Variants in RBP2 observed in about 807,000 individuals in gnomAD.
The protein encoded by RBP2 is retinol binding protein 2.
Under a neutral mutation model 17.0 loss-of-function variants are expected in RBP2, and 17 were observed. The observed-to-expected ratio is 1.00, with a 90% confidence interval of 0.68 to 1.50. RBP2 has a LOEUF of 1.50. Ranked by LOEUF, RBP2 falls within the 40% of genes most tolerant of loss-of-function variation. The pLI is 0.00. For synonymous variants in RBP2, 48 were observed against 57.1 expected, an observed-to-expected ratio of 0.84 and a Z score of 0.72; for missense variants, 158 against 168.2, an observed-to-expected ratio of 0.94 and a Z score of 0.33.
rs773134213 is a variant in RBP2 at position 139,476,383 on chromosome 3, T to C, written c.73+4A>G. 1.2e-6 allele frequency: 2 copies of C among 1,613,330 alleles called. No homozygotes were observed. Among genetic ancestry groups the C allele is most frequent in the Non-Finnish European group, 1.7e-6 (2 of 1,179,486 alleles). On this transcript the variant is annotated splice_donor_region_variant and intron_variant, in intron 1 of 3. Coordinates refer to ENST00000232217, the MANE Select transcript of RBP2 (RefSeq NM_004164.3). ...ACCCTCCCCATCCCCAGTCTCCTCCTTACCCAGGGCCTTCATGTAGCCCTC... is the reference window on the plus strand; with the variant it reads ...ACCCTCCCCATCCCCAGTCTCCTCCCTACCCAGGGCCTTCATGTAGCCCTC...
intron 1 of RBP2, chr3:139,466,803 A>G (rs942944203): frequency 5.9e-5 from 9 of 152,148 alleles, no homozygotes; most frequent in African/African-American, 2.2e-4. Flanking sequence ...TCACAGGCCA[A>G]TTTCCTTAGT....
chr3:139,472,339 T>C (rs1933595807), intron 1 of RBP2, among the ~76,000 whole-genome samples: 1 of 152,234 alleles, frequency 6.6e-6, no homozygotes, highest in Non-Finnish European at 1.5e-5. Context: ...CTACATGCTG[T>C]TCTTACAATG....
At chr3:139,469,725 CT>C (rs373456533) in intron 1 of RBP2, among the ~76,000 whole-genome samples, 275 of 150,704 alleles carry the variant, frequency 1.8e-3, no homozygotes, top group African/African-American at 6.7e-3. Context: ...ATCTATCTAT[CT>C]ATCTATCTAC....
chr3:139,460,655 A>G (rs775689800), intron 2 of RBP2, among the ~76,000 whole-genome samples: 1 of 152,148 alleles, frequency 6.6e-6, no homozygotes, highest in African/African-American at 2.4e-5. Context: ...GTCTCTGGGT[A>G]GTGGCCTGAC....
chr3:139,458,487 T>C (rs1481053998), intron 2 of RBP2, among the ~76,000 whole-genome samples: 1 of 152,218 alleles, frequency 6.6e-6, no homozygotes, highest in African/African-American at 2.4e-5. Context: ...TCACAAAATA[T>C]AAAATTCACC....
In RBP2 at chr3:139,473,597, C is replaced by G. The variant is rs556390700; in HGVS notation, c.73+2790G>C. 7.2e-5 allele frequency among the ~76,000 whole-genome samples: 11 copies of G among 152,336 alleles called. No individual in the cohort carries two copies. The South Asian group carries it at 1.7e-3, about 23-fold the overall frequency. ...TCTCTGCTCAAAAGGGTAAGGAAGG[C>G]AAGCTTCGTTGACATCTCAGTGTTG... On this transcript the variant is annotated intron_variant, in intron 1 of 3. Coordinates refer to ENST00000232217, the MANE Select transcript of RBP2 (RefSeq NM_004164.3).
chr3:139,475,571 A>T (rs1476903797), intron 1 of RBP2, among the ~76,000 whole-genome samples: 1 of 152,150 alleles, frequency 6.6e-6, no homozygotes, highest in Non-Finnish European at 1.5e-5. Context: ...GTTCCAGCGA[A>T]GTTACCCCAT....
intron 2 of RBP2, among the ~76,000 whole-genome samples, chr3:139,456,385 A>G (rs60961550): frequency 0.26 from 39,166 of 152,112 alleles, 8,223 homozygotes; most frequent in African/African-American, 0.58. Flanking sequence ...TACTTTATGT[A>G]CAATTTTATT....
At chr3:139,465,677 G>A (rs1287594728) in intron 1 of RBP2, among the ~76,000 whole-genome samples, 1 of 152,212 alleles carries the variant, frequency 6.6e-6, no homozygotes, top group Non-Finnish European at 1.5e-5. Context: ...CACAGGGACT[G>A]TGGGATTCAG....
intron 1 of RBP2, among the ~76,000 whole-genome samples, chr3:139,465,697 C>A (rs534400555): frequency 6.6e-6 from 1 of 152,270 alleles, no homozygotes; most frequent in South Asian, 2.1e-4. Context: ...GTTGGATGAG[C>A]CCTCCCTGTT....
intron 2 of RBP2, among the ~76,000 whole-genome samples, chr3:139,457,188 T>G (rs1345743168): frequency 6.6e-6 from 1 of 152,246 alleles, no homozygotes; most frequent in Non-Finnish European, 1.5e-5. Context: ...GTGATCAGCA[T>G]TGTTGAATGA....
At chr3:139,463,217 C>T (rs542006312) in intron 1 of RBP2, among the ~76,000 whole-genome samples, 2 of 151,950 alleles carry the variant, frequency 1.3e-5, no homozygotes, top group South Asian at 2.1e-4. Flanking sequence ...GATGGAGTCT[C>T]GCTCTGTTGC....
At chr3:139,462,951 A>T (rs1933242238) in intron 1 of RBP2, among the ~76,000 whole-genome samples, 2 of 151,978 alleles carry the variant, frequency 1.3e-5, no homozygotes, top group South Asian at 4.2e-4. Context: ...CTCCCATTTC[A>T]GCCTCCCAAG....
At chr3:139,473,593 A>G (rs1271733438) in intron 1 of RBP2, among the ~76,000 whole-genome samples, 1 of 152,202 alleles carries the variant, frequency 6.6e-6, no homozygotes, top group Non-Finnish European at 1.5e-5. Flanking sequence ...AAGGGTAAGG[A>G]AGGCAAGCTT....
At position 139,468,257 on chromosome 3, in the gene RBP2, C is replaced by G. The variant is rs746610090; in HGVS notation, c.74-5967G>C. On this transcript the variant is annotated intron_variant, in intron 1 of 3. Coordinates refer to ENST00000232217, the MANE Select transcript of RBP2 (RefSeq NM_004164.3). ...GAGCTACCCAGTTAGGATAGCACTC[C>G]TGACAATTTCTTTACAAACGCATTC... Among the ~76,000 whole-genome samples, 114 of 152,314 alleles carry G rather than the reference C, an allele frequency of 7.5e-4. 1 individual carries two copies. Among genetic ancestry groups the G allele is most frequent in the Non-Finnish European group, 1.1e-3 (72 of 68,030 alleles).
At position 139,462,272 on chromosome 3, in the gene RBP2, C is replaced by A. The variant is rs371817821; in HGVS notation, c.92G>T (p.Arg31Leu). The A allele has an allele frequency of 1.2e-6, 2 of 1,614,016 alleles. No homozygotes were observed. Among genetic ancestry groups the A allele is most frequent in the East Asian group, 2.2e-5 (1 of 44,876 alleles). Residue 31 changes from arginine to leucine, a missense_variant, in exon 2 of 4, where the codon CGC becomes CTC. Coordinates refer to ENST00000232217, the MANE Select transcript of RBP2 (RefSeq NM_004164.3). ...MKALDIDFAT[R>L]KIAVRLTQTK... ...CTGAGTGAGACGTACTGCAATCTTG[C>A]GGGTGGCAAAATCAATATCTGTTGG...
At chr3:139,466,505 G>A (rs576347202) in intron 1 of RBP2, 29 of 152,332 alleles carry the variant, frequency 1.9e-4, no homozygotes, top group Admixed American at 5.2e-4. Flanking sequence ...TGCTTGTGTC[G>A]TGCAGAGGAA....
Position 139,453,134 on chromosome 3 carries a change from T to G in RBP2, c.387A>C (p.Gln129His). Residue 129 changes from glutamine to histidine, a missense_variant, in exon 4 of 4, where the codon CAA (glutamine) becomes CAC (histidine). By Grantham distance (24) the Gln-to-His change is conservative (BLOSUM62 0). Coordinates refer to ENST00000232217, the MANE Select transcript of RBP2 (RefSeq NM_004164.3). ...ELTCGDQVCR[Q>H]VFKKK ...GTCGCCATCATTTCTTTTTGAACAC[T>G]TGACGGCACACCTGGTCACCACAGG... is the stretch of plus-strand genomic sequence containing the variant. 6.2e-7 allele frequency: 1 copy of G among 1,614,142 alleles called. No individual in the cohort carries two copies. Among genetic ancestry groups the G allele is most frequent in the Non-Finnish European group, 8.5e-7 (1 of 1,180,014 alleles).
chr3:139,454,702 G>A (rs755076924), intron 3 of RBP2, 27 bp downstream of exon 3: 4 of 1,606,564 alleles, frequency 2.5e-6, no homozygotes, highest in Non-Finnish European at 3.4e-6. Flanking sequence ...CACAATGGAA[G>A]TGAGCTGAGC....
Sources: gnomAD v4.1 joint callset for allele counts (sites outside exome capture counted in the v4.1 genomes callset) on GRCh38, gnomAD v4.1.1 for gene constraint, MANE v1.5 for transcripts, NCBI Gene and HGNC (gene_info 2026-07-23, HGNC 2026-07-21) for gene names.